The following PARD3B variants were observed in gnomAD, a reference collection of about 807,000 sequenced individuals.
The protein encoded by PARD3B is partitioning defective 3 homolog B.
PARD3B carries 103 observed loss-of-function variants against 130.2 expected under a neutral mutation model. The observed-to-expected ratio is 0.79, with a 90% CI of 0.67 to 0.93. PARD3B has a LOEUF of 0.93. Among genes scored for constraint, PARD3B ranks in the 40% least tolerant of loss-of-function variants. PARD3B has a pLI of 0.00. For synonymous variants in PARD3B, 583 were observed against 553.2 expected, an observed-to-expected ratio of 1.05 and a Z score of -0.76; for missense variants, 1,609 against 1,499.2, an observed-to-expected ratio of 1.07 and a Z score of -1.21.
chr2:204,799,005 G>A lies in PARD3B; in HGVS notation c.222+112723G>A, dbSNP rs2042471424. Among the ~76,000 whole-genome samples the A allele has an allele frequency of 6.6e-6, 1 of 151,912 alleles. No individual in the cohort carries two copies. The highest frequency in any genetic ancestry group is 2.4e-5 in the African/African-American group (1 of 41,382). On this transcript the variant is annotated intron_variant, in intron 2 of 22. Transcript: ENST00000406610. The surrounding 1 kb of genome is among the most constrained non-coding windows in gnomAD (Gnocchi z 4.1). ...TCCTTATGCTTGAGGAAAGGAGAAG[G>A]AAGAGTAAAGGGGACTTTTCCTTTA...
chr2:204,832,216 A>G (rs2043852171), intron 2 of PARD3B, among the ~76,000 whole-genome samples: 1 of 151,878 alleles, frequency 6.6e-6, no homozygotes, highest in South Asian at 2.1e-4. Flanking sequence ...ACTGAGCGAG[A>G]CTCTGTCTCA....
chr2:205,197,074 T>TGTGTGTGA (rs1215097347), intron 15 of PARD3B, among the ~76,000 whole-genome samples: 245 of 143,820 alleles, frequency 1.7e-3, no homozygotes, highest in Admixed American at 3.0e-3. Flanking sequence ...TGTGTGTGTG[T>TGTGTGTGA]GAGAGAGAGA....
chr2:205,534,098 A>T (rs2051730086), intron 21 of PARD3B, among the ~76,000 whole-genome samples: 1 of 151,310 alleles, frequency 6.6e-6, no homozygotes, highest in African/African-American at 2.4e-5. Context: ...CATGTTTAGG[A>T]AAGTGGTTTA....
intron 2 of PARD3B, among the ~76,000 whole-genome samples, chr2:204,829,627 A>C (rs908361749): frequency 1.3e-5 from 2 of 152,190 alleles, no homozygotes; most frequent in Non-Finnish European, 2.9e-5. Context: ...GTAGGAGGTG[A>C]TTAGATCAGA....
At chr2:205,076,464 A>G (rs558062814) in intron 4 of PARD3B, among the ~76,000 whole-genome samples, 2 of 152,308 alleles carry the variant, frequency 1.3e-5, no homozygotes, top group Admixed American at 6.5e-5. Context: ...GGTTCAATGT[A>G]TATAGTTTAG....
intron 1 of PARD3B, among the ~76,000 whole-genome samples, chr2:204,650,666 A>G (rs1250293518): frequency 2.0e-5 from 3 of 152,196 alleles, no homozygotes; most frequent in South Asian, 4.1e-4. Flanking sequence ...CAAATACTGC[A>G]TGTTCTCACT....
chr2:204,899,065 T>A (rs1021346791), intron 2 of PARD3B, among the ~76,000 whole-genome samples: 2 of 147,904 alleles, frequency 1.4e-5, no homozygotes, highest in African/African-American at 2.6e-5. Context: ...TTTTTTTTTT[T>A]AATCTATGTC....
intron 1 of PARD3B, among the ~76,000 whole-genome samples, chr2:204,603,862 A>G (rs1343487427): frequency 2.0e-5 from 3 of 152,206 alleles, no homozygotes; most frequent in African/African-American, 7.2e-5. Flanking sequence ...TTAGGAGACA[A>G]CTTTACACCT....
chr2:205,502,548 G>A (rs763428408), intron 21 of PARD3B, among the ~76,000 whole-genome samples: 1 of 152,094 alleles, frequency 6.6e-6, no homozygotes, highest in Non-Finnish European at 1.5e-5. Context: ...CAGAAATATT[G>A]TTATGAACTT....
intron 1 of PARD3B, among the ~76,000 whole-genome samples, chr2:204,641,483 A>C (rs2035075172): frequency 6.6e-6 from 1 of 152,044 alleles, no homozygotes; most frequent in African/African-American, 2.4e-5. Context: ...AAACTTTTGC[A>C]CCTAAATTAG....
chr2:205,434,358 A>C (rs530215678), intron 19 of PARD3B, among the ~76,000 whole-genome samples: 32 of 152,322 alleles, frequency 2.1e-4, no homozygotes, highest in African/African-American at 7.5e-4. Context: ...GCTAGTATAT[A>C]GTATAATGTC....
intron 21 of PARD3B, among the ~76,000 whole-genome samples, chr2:205,502,091 G>A (rs2050177587): frequency 6.6e-6 from 1 of 152,118 alleles, no homozygotes; most frequent in Admixed American, 6.5e-5. Flanking sequence ...TAGAATCTCA[G>A]CATCCTTTCC....
At chr2:204,574,998 G>T in intron 1 of PARD3B, among the ~76,000 whole-genome samples, 1 of 149,862 alleles carries the variant, frequency 6.7e-6, no homozygotes, top group Admixed American at 6.8e-5. Context: ...TTTAGTTATG[G>T]GTTTTTTATT....
At chr2:205,515,827 TTCG>T (rs1161403370) in intron 21 of PARD3B, among the ~76,000 whole-genome samples, 1 of 152,168 alleles carries the variant, frequency 6.6e-6, no homozygotes, top group African/African-American at 2.4e-5. Flanking sequence ...AATTTTTGCT[TTCG>T]TTGTGATTGC....
At chr2:205,151,520 C>T (rs1559488197) in intron 10 of PARD3B, among the ~76,000 whole-genome samples, 1 of 152,138 alleles carries the variant, frequency 6.6e-6, no homozygotes, top group African/African-American at 2.4e-5. Context: ...TATGTAATGA[C>T]CTTCTTTGTC....
chr2:204,853,188 G>A (rs960287049), intron 2 of PARD3B, among the ~76,000 whole-genome samples: 4 of 151,710 alleles, frequency 2.6e-5, no homozygotes, highest in African/African-American at 7.3e-5. Context: ...TTCTAGCTCC[G>A]ATTTGATAAA....
chr2:204,905,316 G>T (rs558116279), intron 2 of PARD3B, among the ~76,000 whole-genome samples: 7 of 152,300 alleles, frequency 4.6e-5, no homozygotes, highest in Non-Finnish European at 1.0e-4. Context: ...GGTGGTGTTT[G>T]GGACCTGGCA....
Position 205,460,770 on chromosome 2 carries a change from T to C in PARD3B, c.3044+20098T>C, listed in dbSNP as rs1425583256. On this transcript the variant is annotated intron_variant, in intron 20 of 22. Transcript: ENST00000406610. This position sits in a 1 kb window ranked among gnomAD's most constrained non-coding sequence, Gnocchi z 4.9. ...GGCAAACCTGAAGCACAGTGACTGG[T>C]TCTTCCTATTGTGTGATCAGCAAGT... Among the ~76,000 whole-genome samples, 2 of 152,188 alleles carry C rather than the reference T, an allele frequency of 1.3e-5. No individual in the cohort carries two copies. Among genetic ancestry groups the C allele is most frequent in the Non-Finnish European group, 2.9e-5 (2 of 68,032 alleles).
At position 204,927,960 on chromosome 2, in the gene PARD3B, A is replaced by G. The variant is rs568899092; in HGVS notation, c.223-37192A>G. ...ATCTATCAATTATTACTACAAAAAG[A>G]TGCTGTTTAATAAATAATTGCAAAA... On this transcript the variant is annotated intron_variant, in intron 2 of 22. Coordinates refer to ENST00000406610, the MANE Select transcript of PARD3B (RefSeq NM_001302769.2). 2.6e-5 allele frequency among the ~76,000 whole-genome samples: 4 copies of G among 152,314 alleles called. No individual in the cohort carries two copies. In the South Asian group the frequency reaches 8.3e-4, roughly 32 times the overall value.
Sources: gnomAD v4.1 joint callset for allele counts (sites outside exome capture counted in the v4.1 genomes callset) on GRCh38, gnomAD v4.1.1 for gene constraint, Gnocchi (gnomAD v3.1) non-coding constraint, MANE v1.5 for transcripts, NCBI Gene and HGNC (gene_info 2026-07-23, HGNC 2026-07-21) for gene names.